TCF25: variants seen among roughly 807,000 people sequenced by gnomAD.
TCF25 encodes the protein TCF25 ribosome quality control complex subunit, also known as ribosome quality control complex subunit TCF25.
Under a neutral mutation model 83.1 loss-of-function variants are expected in TCF25, and 41 were observed. The observed-to-expected ratio is 0.49, with a 90% CI of 0.38 to 0.64. TCF25 has a LOEUF of 0.64. TCF25 is among the 30% of genes least tolerant of loss of function. The pLI is 0.00. For missense variants in TCF25, 979 were observed against 914.5 expected (o/e 1.07, Z -0.91); for synonymous variants, 458 against 365.0 (o/e 1.25, Z -2.90).
At chr16:89,880,185 C>A (rs544576007) in intron 1 of TCF25, among the ~76,000 whole-genome samples, 2 of 152,152 alleles carry the variant, frequency 1.3e-5, no homozygotes, top group South Asian at 4.2e-4. Flanking sequence ...AGGCTCCTTT[C>A]CATTGAAGTT....
intron 6 of TCF25, among the ~76,000 whole-genome samples, chr16:89,893,112 G>A (rs983297859): frequency 6.6e-6 from 1 of 152,202 alleles, no homozygotes; most frequent in Non-Finnish European, 1.5e-5. Context: ...TATTCCTGCA[G>A]GACTGGGGCC....
intron 16 of TCF25, among the ~76,000 whole-genome samples, chr16:89,907,586 CTCCCAGT>C (rs2044984344): frequency 6.9e-6 from 1 of 145,168 alleles, no homozygotes; most frequent in African/African-American, 2.6e-5. Flanking sequence ...TGCCTCCCTC[CTCCCAGT>C]TCCCACCTCC....
At chr16:89,896,601 C>T (rs981138893) in intron 9 of TCF25, among the ~76,000 whole-genome samples, 15 of 149,292 alleles carry the variant, frequency 1.0e-4, no homozygotes, top group Middle Eastern at 6.9e-3. Flanking sequence ...TCACCCAGGC[C>T]GGAGTGCAGG....
rs373329727 is a variant in TCF25 at position 89,906,257 on chromosome 16, C to A, written c.1692C>A (p.Ile564=). The change falls in exon 15 of 18, where the codon ATC becomes ATA. Residue 564 remains isoleucine, a synonymous_variant. Transcript: ENST00000263346. ...ACCGCCATGTGATCCTCTCTGAGAT[C>A]AAGGAAGCCGTCGCTGCCCTGCCCC... ...NIHRHVILSE[I]KEAVAALPPD... is the part of the protein sequence containing the mutation. 1.3e-4 allele frequency: 208 copies of A among 1,613,304 alleles called. 4 individuals carry two copies. The South Asian group carries it at 2.2e-3, about 17-fold the overall frequency.
chr16:89,883,293 AGCATGAGC>A lies in TCF25; in HGVS notation c.193-56_193-49del, dbSNP rs1246972243. 3.1e-6 allele frequency: 5 copies of A among 1,588,494 alleles called. No individual in the cohort carries two copies. The Admixed American group carries it at 6.8e-5, about 22-fold the overall frequency. ...GTTCACATCTCACTATTCATATCTC[AGCATGAGC>A]GTTCACACTGTAAGTAACGCCCTGG... On this transcript the variant is annotated intron_variant, in intron 1 of 17. Coordinates refer to ENST00000263346, the MANE Select transcript of TCF25 (RefSeq NM_014972.3).
intron 2 of TCF25, 149 bp downstream of exon 2, chr16:89,883,661 G>A (rs2042769580): frequency 1.1e-6 from 1 of 876,400 alleles, no homozygotes; most frequent in Non-Finnish European, 1.7e-6. Context: ...ATTTACTTGG[G>A]AACCTTGATG....
Position 89,911,076 on chromosome 16 carries a change from G to C in TCF25, c.1873-4G>C. The stretch of plus-strand genomic sequence containing the variant: ...CCCTTCTCAGACATGTCCCCTTGCT[G>C]CAGGGGGAGAGGCCCGAGGAAGGAG... On this transcript the variant is annotated splice_region_variant and splice_polypyrimidine_tract_variant and intron_variant, in intron 17 of 17. Transcript: ENST00000263346. 1.2e-6 allele frequency: 2 copies of C among 1,610,664 alleles called. No homozygotes were observed. The highest frequency in any genetic ancestry group is 1.7e-6 in the Non-Finnish European group (2 of 1,179,716).
intron 1 of TCF25, among the ~76,000 whole-genome samples, chr16:89,881,502 G>C (rs751593411): frequency 6.7e-6 from 1 of 149,332 alleles, no homozygotes; most frequent in Non-Finnish European, 1.5e-5. Context: ...CTGGAGTGCC[G>C]TTGTGTGATC....
chr16:89,911,008 C>T (rs2144362630), intron 17 of TCF25, 72 bp from the exon 18 acceptor site: 1 of 1,587,772 alleles, frequency 6.3e-7, no homozygotes, highest in East Asian at 2.3e-5. Context: ...TCCACAGTGC[C>T]TCCTGCTTGG....
chr16:89,893,690 C>T (rs374836996), intron 6 of TCF25, 38 bp from the exon 7 acceptor site: 6 of 1,612,678 alleles, frequency 3.7e-6, no homozygotes, highest in Non-Finnish European at 5.1e-6. Flanking sequence ...CACGTCCCTG[C>T]TCCCGGCACA....
chr16:89,890,938 C>T (rs928307520), intron 5 of TCF25, among the ~76,000 whole-genome samples: 36 of 152,072 alleles, frequency 2.4e-4, no homozygotes, highest in African/African-American at 8.5e-4. Context: ...TTATTCATTC[C>T]TTGTCCTGCT....
chr16:89,887,110 T>G (rs903522285), intron 4 of TCF25, among the ~76,000 whole-genome samples: 4 of 152,054 alleles, frequency 2.6e-5, no homozygotes, highest in African/African-American at 9.7e-5. Context: ...CATAGCCCAC[T>G]GCAGCCTCGA....
At chr16:89,887,366 C>T (rs187163632) in intron 4 of TCF25, among the ~76,000 whole-genome samples, 1 of 152,086 alleles carries the variant, frequency 6.6e-6, no homozygotes, top group South Asian at 2.1e-4. Context: ...GGTGCGTGCA[C>T]TGCCCCGACT....
intron 6 of TCF25, among the ~76,000 whole-genome samples, 192 bp downstream of exon 6, chr16:89,892,467 T>C (rs2144109124): frequency 6.6e-6 from 1 of 152,200 alleles, no homozygotes; most frequent in South Asian, 2.1e-4. Flanking sequence ...GACTCTTTGC[T>C]CCAGGAGCGC....
intron 16 of TCF25, chr16:89,910,180 C>G (rs2045433318): frequency 4.9e-6 from 1 of 205,178 alleles, no homozygotes; most frequent in Admixed American, 5.4e-5. Context: ...GCCGGTAGCC[C>G]TTCGCACCGT....
chr16:89,889,757 T>C, intron 5 of TCF25: 1 of 152,468 alleles, frequency 6.6e-6, no homozygotes, highest in South Asian at 2.1e-4. Context: ...TCCATGTTGG[T>C]CAGGCTCGTC....
rs1187950915 is a variant in TCF25 at position 89,878,717 on chromosome 16, T to TGCA, written c.193-4633_193-4631dup. 4.3e-6 allele frequency: 4 copies of TGCA among 931,598 alleles called. No individual in the cohort carries two copies. The East Asian group carries it at 3.3e-4, about 77-fold the overall frequency. 57.7% of individuals were successfully genotyped at this position (931,598 alleles called of 1,614,324 possible). ...GTGCAGTGGCACCATCTCAGCTCAC[T>TGCA]GCAAGCTCTGCCTCCTGGATTCACT... is the stretch of plus-strand genomic sequence containing the variant. On this transcript the variant is annotated intron_variant, in intron 1 of 17. Coordinates refer to ENST00000263346, the MANE Select transcript of TCF25 (RefSeq NM_014972.3).
At chr16:89,892,375 TGGGGGTGGAGGGCGGCG>T in intron 6 of TCF25, 100 bp downstream of exon 6, 1 of 748,412 alleles carries the variant, frequency 1.3e-6, no homozygotes. Flanking sequence ...CAGAGGCTGC[TGGGGGTGGAGGGCGGCG>T]GGGGGGTGTG....
At chr16:89,885,736 A>T (rs1375767680) in intron 3 of TCF25, 112 bp from the exon 4 acceptor site, 7 of 868,602 alleles carry the variant, frequency 8.1e-6, no homozygotes, top group Non-Finnish European at 1.3e-5. Context: ...GCTGTCCTTT[A>T]GGAAGTAAAT....
Sources: allele counts gnomAD v4.1 joint callset (sites outside exome capture counted in the v4.1 genomes callset), GRCh38; gene constraint gnomAD v4.1.1; transcripts MANE v1.5; gene names NCBI Gene and HGNC (gene_info 2026-07-23, HGNC 2026-07-21).